The following PDZD2 variants were observed in gnomAD, a reference collection of about 807,000 sequenced individuals.
PDZD2 encodes the protein PDZ domain-containing protein 2.
Under a neutral mutation model 220.7 loss-of-function variants are expected in PDZD2, and 90 were observed. The observed-to-expected ratio is 0.41, with a 90% CI of 0.34 to 0.49. The LOEUF (loss-of-function observed/expected upper bound fraction) is 0.49. PDZD2 is among the 20% of genes least tolerant of loss of function. The pLI, the probability that PDZD2 is intolerant of heterozygous loss-of-function variation, is 0.28. For missense variants in PDZD2, 3,174 were observed against 3,608.5 expected (o/e 0.88, Z 3.08); for synonymous variants, 1,375 against 1,450.5 (o/e 0.95, Z 1.18).
rs1745261699 is a variant in PDZD2 at position 32,110,301 on chromosome 5, A to C, written c.*2166A>C. 6.6e-6 allele frequency: 1 copy of C among 152,624 alleles called. No homozygotes were observed. Among genetic ancestry groups the C allele is most frequent in the Non-Finnish European group, 1.5e-5 (1 of 68,028 alleles). The allele number at this position is 152,624 out of a possible 1,614,324, so 9.5% of individuals were successfully genotyped here. On this transcript the variant is annotated 3_prime_UTR_variant, in exon 25 of 25. Coordinates refer to ENST00000438447, the MANE Select transcript of PDZD2 (RefSeq NM_178140.4). ...CCTCATATCTGGAGTACAAGGGTAG[A>C]CCTCTGGCTTACCACATACACTATG...
intron 1 of PDZD2, among the ~76,000 whole-genome samples, chr5:31,760,243 G>A (rs1751549813): frequency 2.6e-5 from 4 of 152,190 alleles, no homozygotes; most frequent in African/African-American, 7.2e-5. Flanking sequence ...ATGATTCTCA[G>A]GAAATGTGCT....
At chr5:31,986,227 C>T (rs1297520760) in intron 3 of PDZD2, among the ~76,000 whole-genome samples, 2 of 152,084 alleles carry the variant, frequency 1.3e-5, no homozygotes, top group African/African-American at 2.4e-5. Context: ...GATCCATTGC[C>T]TTTAGGGCAT....
At chr5:31,842,819 C>T (rs1437009512) in intron 2 of PDZD2, among the ~76,000 whole-genome samples, 1 of 152,064 alleles carries the variant, frequency 6.6e-6, no homozygotes, top group Non-Finnish European at 1.5e-5. Flanking sequence ...TTACTATAAA[C>T]CAATAATAAT....
intron 1 of PDZD2, among the ~76,000 whole-genome samples, chr5:31,682,584 T>C (rs1292201572): frequency 6.6e-6 from 1 of 152,160 alleles, no homozygotes; most frequent in Admixed American, 6.5e-5. Context: ...CTAATCCCCA[T>C]TTAAAGTTCT....
At chr5:31,667,038 C>A (rs1207773216) in intron 1 of PDZD2, among the ~76,000 whole-genome samples, 1 of 151,936 alleles carries the variant, frequency 6.6e-6, no homozygotes, top group South Asian at 2.1e-4. Flanking sequence ...AGATCGAGAC[C>A]ATCCTGGCTA....
At position 32,072,270 on chromosome 5, in the gene PDZD2, G is replaced by A; in HGVS notation, c.2678G>A (p.Ser893Asn). ...AGSEDEDHPG[S>N]GCSTSEEGSL... ...TCTGAGGACGAGGATCACCCGGGAA[G>A]TGGCTGCAGCACGTCGGAGGAGGGC... Residue 893 changes from serine to asparagine, a missense_variant, in exon 17 of 25, where the codon AGT becomes AAT. By Grantham distance (46) the Ser-to-Asn change is conservative. Transcript: ENST00000438447. 1 of 1,614,180 alleles carries A rather than the reference G, an allele frequency of 6.2e-7. No individual in the cohort carries two copies. Among genetic ancestry groups the A allele is most frequent in the South Asian group, 1.1e-5 (1 of 91,080 alleles).
intron 2 of PDZD2, among the ~76,000 whole-genome samples, chr5:31,822,256 T>A (rs577857044): frequency 0.013 from 1,947 of 148,214 alleles, 30 homozygotes; most frequent in African/African-American, 0.044. Context: ...ATACACAAAC[T>A]TTTTTTCACG....
At chr5:31,694,405 A>AC (rs200603185) in intron 1 of PDZD2, among the ~76,000 whole-genome samples, 1 of 145,532 alleles carries the variant, frequency 6.9e-6, no homozygotes, top group Non-Finnish European at 1.5e-5. Flanking sequence ...AAACAAACAA[A>AC]AAAACAAAAA....
intron 1 of PDZD2, among the ~76,000 whole-genome samples, chr5:31,708,710 G>A (rs1747939065): frequency 6.6e-6 from 1 of 152,118 alleles, no homozygotes; most frequent in Non-Finnish European, 1.5e-5. Context: ...CAACACGATG[G>A]TCTGAGACTA....
At chr5:31,976,676 T>G (rs894453882) in intron 2 of PDZD2, among the ~76,000 whole-genome samples, 4 of 138,280 alleles carry the variant, frequency 2.9e-5, no homozygotes, top group Non-Finnish European at 6.4e-5. Context: ...CAAGTTACTT[T>G]GTTTTTTTGT....
chr5:31,883,611 C>T (rs998075428), intron 2 of PDZD2, among the ~76,000 whole-genome samples: 5 of 138,162 alleles, frequency 3.6e-5, no homozygotes, highest in African/African-American at 1.5e-4. Flanking sequence ...ATTAACCAAT[C>T]CTCTGTAATT....
intron 6 of PDZD2, among the ~76,000 whole-genome samples, chr5:32,033,137 G>A (rs1312893037): frequency 6.6e-6 from 1 of 152,136 alleles, no homozygotes; most frequent in South Asian, 2.1e-4. Context: ...CAACTGTTTC[G>A]CTGAACTGAA....
intron 2 of PDZD2, among the ~76,000 whole-genome samples, chr5:31,896,634 G>A (rs150597871): frequency 2.0e-4 from 30 of 152,288 alleles, no homozygotes; most frequent in African/African-American, 5.1e-4. Context: ...AGATACATAC[G>A]AATTTTTAAA....
At chr5:31,835,826 A>G (rs1389029923) in intron 2 of PDZD2, among the ~76,000 whole-genome samples, 1 of 152,026 alleles carries the variant, frequency 6.6e-6, no homozygotes, top group Non-Finnish European at 1.5e-5. Flanking sequence ...AGCACCTAAC[A>G]CCTAGTGAAA....
intron 1 of PDZD2, among the ~76,000 whole-genome samples, chr5:31,664,451 TACACACAC>T (rs10629638): frequency 6.9e-6 from 1 of 144,704 alleles, no homozygotes; most frequent in African/African-American, 2.5e-5. Flanking sequence ...CATGCATGCA[TACACACAC>T]ACACACACAC....
At chr5:31,920,154 C>CGCA (rs1174809154) in intron 2 of PDZD2, among the ~76,000 whole-genome samples, 1 of 151,726 alleles carries the variant, frequency 6.6e-6, no homozygotes, top group Non-Finnish European at 1.5e-5. Flanking sequence ...CATAGTGGCA[C>CGCA]GCACCTATAA....
At chr5:32,010,911 G>C (rs527298616) in intron 6 of PDZD2, among the ~76,000 whole-genome samples, 1 of 147,664 alleles carries the variant, frequency 6.8e-6, no homozygotes, top group African/African-American at 2.5e-5. Context: ...CAAGAGAATC[G>C]TCTTGAGCCC....
chr5:31,888,330 TTACA>T (rs1740710104), intron 2 of PDZD2, among the ~76,000 whole-genome samples: 1 of 152,132 alleles, frequency 6.6e-6, no homozygotes, highest in East Asian at 1.9e-4. Context: ...GTAGCTGGGA[TTACA>T]GGCGTGCCGC....
chr5:31,744,016 A>G (rs1750432440), intron 1 of PDZD2: 1 of 152,238 alleles, frequency 6.6e-6, no homozygotes, highest in Non-Finnish European at 1.5e-5. Context: ...GTTTGTAACC[A>G]AAGCACAAGT....
Sources: gnomAD v4.1 joint callset for allele counts (sites outside exome capture counted in the v4.1 genomes callset) on GRCh38, gnomAD v4.1.1 for gene constraint, MANE v1.5 for transcripts, NCBI Gene and HGNC (gene_info 2026-07-23, HGNC 2026-07-21) for gene names.